Variants in LRRC4C observed in about 807,000 individuals in gnomAD.
LRRC4C encodes leucine rich repeat containing 4C, also known as leucine-rich repeat-containing protein 4C.
A neutral mutation model predicts 33.6 loss-of-function variants in LRRC4C; 5 were observed. The ratio of observed to expected loss-of-function variants is 0.15; its 90% CI spans 0.08 to 0.31. The LOEUF (loss-of-function observed/expected upper bound fraction) is 0.31, where lower values mean the gene tolerates loss of function less well. Among genes scored for constraint, LRRC4C ranks in the 10% least tolerant of loss-of-function variants. LRRC4C has a pLI of 1.00. For missense variants in LRRC4C, 560 were observed against 796.7 expected, an observed-to-expected ratio of 0.70 and a Z score of 3.58; for synonymous variants, 329 against 302.0, an observed-to-expected ratio of 1.09 and a Z score of -0.93.
At chr11:40,461,679 T>C (rs909290009) in intron 3 of LRRC4C, among the ~76,000 whole-genome samples, 1 of 148,672 alleles carries the variant, frequency 6.7e-6, no homozygotes, top group Admixed American at 6.7e-5. Context: ...ATTATATATA[T>C]ATTATATAAT....
At chr11:40,948,555 C>A (rs1304561880) in intron 1 of LRRC4C, among the ~76,000 whole-genome samples, 1 of 134,890 alleles carries the variant, frequency 7.4e-6, no homozygotes, top group Non-Finnish European at 1.6e-5. Flanking sequence ...GTGTGATGTT[C>A]CCCTTCCTGT....
At chr11:40,750,569 C>G (rs756466863) in intron 2 of LRRC4C, among the ~76,000 whole-genome samples, 1 of 147,984 alleles carries the variant, frequency 6.8e-6, no homozygotes, top group Non-Finnish European at 1.5e-5. Flanking sequence ...AAACCAAATA[C>G]CGCATGTTCT....
chr11:40,214,759 G>T (rs1425961089), intron 5 of LRRC4C, among the ~76,000 whole-genome samples: 1 of 152,088 alleles, frequency 6.6e-6, no homozygotes, highest in Non-Finnish European at 1.5e-5. Flanking sequence ...ATTAATTTTT[G>T]TTGTTTAAAC....
intron 5 of LRRC4C, among the ~76,000 whole-genome samples, chr11:40,204,374 T>C (rs1424251013): frequency 6.6e-6 from 1 of 152,170 alleles, no homozygotes; most frequent in Non-Finnish European, 1.5e-5. Context: ...TTCCTGACTC[T>C]AGGTCCCTAA....
At chr11:40,177,471 C>T (rs996481508) in intron 5 of LRRC4C, among the ~76,000 whole-genome samples, 3 of 152,074 alleles carry the variant, frequency 2.0e-5, no homozygotes, top group Admixed American at 2.0e-4. Context: ...ACTTCTCTCC[C>T]TCACTATATA....
intron 1 of LRRC4C, among the ~76,000 whole-genome samples, chr11:41,195,570 C>T (rs536620313): frequency 1.1e-4 from 16 of 152,064 alleles, no homozygotes; most frequent in African/African-American, 3.9e-4. Context: ...TTATAAAGCA[C>T]ATACAGTCCA....
intron 6 of LRRC4C, among the ~76,000 whole-genome samples, chr11:40,136,298 G>A (rs1427558068): frequency 1.3e-5 from 2 of 151,626 alleles, no homozygotes; most frequent in Admixed American, 6.6e-5. Flanking sequence ...TGGAGTCTTC[G>A]CTCTGTCGCC....
chr11:40,478,461 G>T (rs1953364066), intron 3 of LRRC4C, among the ~76,000 whole-genome samples: 2 of 152,126 alleles, frequency 1.3e-5, no homozygotes, highest in African/African-American at 4.8e-5. Flanking sequence ...TTTGTATGTT[G>T]GAGATTAGTT....
intron 1 of LRRC4C, among the ~76,000 whole-genome samples, chr11:41,366,292 C>A (rs1591362044): frequency 6.6e-6 from 1 of 151,998 alleles, no homozygotes; most frequent in East Asian, 1.9e-4. Flanking sequence ...TTATTCCTGC[C>A]AGTCCACTCT....
chr11:40,714,967 A>G (rs557870617), intron 2 of LRRC4C, among the ~76,000 whole-genome samples: 3 of 152,310 alleles, frequency 2.0e-5, no homozygotes, highest in South Asian at 2.1e-4. Flanking sequence ...CAATACCTCA[A>G]ACTGTTTAGA....
chr11:40,399,481 A>G (rs1378396712), intron 3 of LRRC4C, among the ~76,000 whole-genome samples: 3 of 152,022 alleles, frequency 2.0e-5, no homozygotes, highest in Non-Finnish European at 1.5e-5. Context: ...GGAATTGAAC[A>G]ATGAGAACAC....
intron 1 of LRRC4C, among the ~76,000 whole-genome samples, chr11:41,098,757 A>T (rs927673956): frequency 1.3e-5 from 2 of 152,046 alleles, no homozygotes; most frequent in Non-Finnish European, 2.9e-5. Context: ...TTTTTTAACA[A>T]CCTAACATCA....
At chr11:40,151,718 T>C (rs902256764) in intron 5 of LRRC4C, among the ~76,000 whole-genome samples, 1 of 152,126 alleles carries the variant, frequency 6.6e-6, no homozygotes, top group Middle Eastern at 3.2e-3. Flanking sequence ...TAATAAAATA[T>C]AGCTGGAAGC....
chr11:41,039,406 G>T (rs999398817), intron 1 of LRRC4C, among the ~76,000 whole-genome samples: 1 of 151,896 alleles, frequency 6.6e-6, no homozygotes, highest in Non-Finnish European at 1.5e-5. Flanking sequence ...ATTCACCCTC[G>T]CACATTTTAC....
At chr11:40,927,983 T>G (rs964456457) in intron 2 of LRRC4C, among the ~76,000 whole-genome samples, 1 of 152,126 alleles carries the variant, frequency 6.6e-6, no homozygotes, top group Admixed American at 6.5e-5. Context: ...ATGTAAAGTT[T>G]TTTTTAAGTA....
intron 1 of LRRC4C, among the ~76,000 whole-genome samples, chr11:41,218,763 A>ATTTTTTTTTTTTTTTTTTT: frequency 9.2e-6 from 1 of 108,898 alleles, no homozygotes; most frequent in Non-Finnish European, 1.8e-5. Flanking sequence ...TGCATATGTC[A>ATTTTTTTTTTTTTTTTTTT]TTTTTTTTTT....
chr11:41,054,220 G>A (rs1355251202), intron 1 of LRRC4C, among the ~76,000 whole-genome samples: 3 of 152,136 alleles, frequency 2.0e-5, no homozygotes, highest in Non-Finnish European at 4.4e-5. Flanking sequence ...CTTTTAATTA[G>A]AATGGAGAAG....
intron 3 of LRRC4C, among the ~76,000 whole-genome samples, chr11:40,639,422 A>G (rs762352248): frequency 5.3e-5 from 8 of 152,222 alleles, no homozygotes; most frequent in Non-Finnish European, 1.0e-4. Context: ...CCACAGAAAC[A>G]TGCAAATATT....
At chr11:41,446,240 A>G (rs1018461964) in intron 1 of LRRC4C, among the ~76,000 whole-genome samples, 9 of 152,246 alleles carry the variant, frequency 5.9e-5, no homozygotes, top group South Asian at 2.1e-4. Context: ...CTTAAATTCT[A>G]GGAAATGAGT....
Sources: gnomAD v4.1 joint callset for allele counts (sites outside exome capture counted in the v4.1 genomes callset) on GRCh38, gnomAD v4.1.1 for gene constraint, MANE v1.5 for transcripts, NCBI Gene and HGNC (gene_info 2026-07-23, HGNC 2026-07-21) for gene names.